ANKRD28: variants seen among roughly 807,000 people sequenced by gnomAD.
ANKRD28 encodes ankyrin repeat domain 28.
ANKRD28 carries 44 observed loss-of-function variants against 126.5 expected under a neutral mutation model. The observed-to-expected ratio is 0.35, with a 90% CI of 0.27 to 0.45. The LOEUF is 0.45. ANKRD28 is among the 20% of genes least tolerant of loss of function. ANKRD28 has a pLI of 1.00. For synonymous variants in ANKRD28, 442 were observed against 468.5 expected, an observed-to-expected ratio of 0.94 and a Z score of 0.73; for missense variants, 1,110 against 1,316.6, an observed-to-expected ratio of 0.84 and a Z score of 2.43.
At chr3:15,688,487 A>AAATG in intron 18 of ANKRD28, among the ~76,000 whole-genome samples, 1 of 152,120 alleles carries the variant, frequency 6.6e-6, no homozygotes, top group Non-Finnish European at 1.5e-5. Flanking sequence ...ATGCATTTTA[A>AAATG]CCTCTTGTTC....
chr3:15,679,848 G>GA (rs140178270), intron 21 of ANKRD28, among the ~76,000 whole-genome samples: 13 of 144,198 alleles, frequency 9.0e-5, no homozygotes, highest in East Asian at 6.0e-4. Flanking sequence ...ATATTTGGGG[G>GA]AAAAAAAAAA....
intron 4 of ANKRD28, among the ~76,000 whole-genome samples, chr3:15,750,377 A>AT (rs1446341603): frequency 1.3e-5 from 2 of 152,242 alleles, no homozygotes; most frequent in African/African-American, 2.4e-5. Flanking sequence ...AATTCAAAGT[A>AT]TTTTGGCTAG....
chr3:15,721,527 A>C (rs1204937422), intron 7 of ANKRD28, among the ~76,000 whole-genome samples: 1 of 152,208 alleles, frequency 6.6e-6, no homozygotes, highest in Non-Finnish European at 1.5e-5. Flanking sequence ...AGTAACATGC[A>C]CATTTTCATC....
At chr3:15,803,670 A>AGGAACAAAGG (rs1209960528) in intron 1 of ANKRD28, among the ~76,000 whole-genome samples, 1 of 146,648 alleles carries the variant, frequency 6.8e-6, no homozygotes, top group Non-Finnish European at 1.5e-5. Flanking sequence ...GGACATGTTA[A>AGGAACAAAGG]TAGACTGGCT....
chr3:15,762,214 CAAAACAAAAAAAAAAAA>C (rs2058515213), intron 3 of ANKRD28, among the ~76,000 whole-genome samples: 1 of 52,564 alleles, frequency 1.9e-5, no homozygotes, highest in African/African-American at 4.6e-5. Context: ...AAAAAAAAAA[CAAAACAAAAAAAAAAAA>C]ACTCTCCTGG....
In ANKRD28 at chr3:15,690,505, G is replaced by C. The variant is rs547930750; in HGVS notation, c.1762-285C>G. On this transcript the variant is annotated intron_variant, in intron 17 of 27. Transcript: ENST00000683139. ...CTTGGCTCACGGCAGACATTCAATG[G>C]ATGTGTGACACGGATTCATTTAAAG... Among the ~76,000 whole-genome samples, 12 of 152,280 alleles carry C rather than the reference G, an allele frequency of 7.9e-5. No individual in the cohort carries two copies. The East Asian group carries it at 1.9e-3, about 24-fold the overall frequency.
rs2060810075 is a variant in ANKRD28, at chr3:15,815,304, C to T, written c.28-19998G>A. 6.6e-6 allele frequency among the ~76,000 whole-genome samples: 1 copy of T among 152,054 alleles called. No homozygotes were observed. Among genetic ancestry groups the T allele is most frequent in the Non-Finnish European group, 1.5e-5 (1 of 68,016 alleles). On this transcript the variant is annotated intron_variant, in intron 1 of 27. Coordinates refer to the ANKRD28 transcript ENST00000399451. This position sits in a 1 kb window ranked among gnomAD's most constrained non-coding sequence, Gnocchi z 4.1. ...CTACATAAAAGTGTGGGGCCAACCA[C>T]ATTTCTTTTGTTTTTCTTTTATGAC... is the stretch of plus-strand genomic sequence containing the variant.
At chr3:15,740,343 TA>T (rs1469184137) in intron 4 of ANKRD28, among the ~76,000 whole-genome samples, 1 of 152,116 alleles carries the variant, frequency 6.6e-6, no homozygotes, top group African/African-American at 2.4e-5. Context: ...GGGTGTACAC[TA>T]AAAAATTCAT....
chr3:15,762,219 CAAA>C (rs1553624317), intron 3 of ANKRD28, among the ~76,000 whole-genome samples: 6 of 37,892 alleles, frequency 1.6e-4, no homozygotes, highest in African/African-American at 3.4e-4. Flanking sequence ...AAAAACAAAA[CAAA>C]AAAAAAAAAA....
intron 6 of ANKRD28, among the ~76,000 whole-genome samples, chr3:15,731,435 G>A (rs1010192252): frequency 3.9e-5 from 6 of 152,180 alleles, no homozygotes; most frequent in African/African-American, 1.4e-4. Context: ...GTCTTGAAGA[G>A]TAAGCCACAC....
chr3:15,768,742 C>T (rs2058863656), intron 2 of ANKRD28, among the ~76,000 whole-genome samples: 1 of 152,148 alleles, frequency 6.6e-6, no homozygotes, highest in Admixed American at 6.5e-5. Context: ...AATTTTAATG[C>T]TGCTTTTGTC....
At chr3:15,690,840 G>A (rs1575167630) in intron 17 of ANKRD28, among the ~76,000 whole-genome samples, 2 of 152,228 alleles carry the variant, frequency 1.3e-5, no homozygotes, top group East Asian at 3.9e-4. Flanking sequence ...AAAGTGCTAG[G>A]AATACAGGCA....
chr3:15,741,911 A>G (rs980147719), intron 4 of ANKRD28, among the ~76,000 whole-genome samples: 2 of 151,164 alleles, frequency 1.3e-5, no homozygotes, highest in Non-Finnish European at 3.0e-5. Context: ...TGGTTTTCGT[A>G]TTTTTTTGGT....
chr3:15,802,966 A>G (rs550371806), upstream of ANKRD28, among the ~76,000 whole-genome samples: 1 of 152,342 alleles, frequency 6.6e-6, no homozygotes, highest in East Asian at 1.9e-4. Context: ...TAAATTCTCG[A>G]ATAAAAAAAA....
intron 3 of ANKRD28, among the ~76,000 whole-genome samples, chr3:15,755,965 T>C (rs2125424212): frequency 6.6e-6 from 1 of 152,298 alleles, no homozygotes; most frequent in East Asian, 1.9e-4. Flanking sequence ...TTAAGAAAGA[T>C]ACCATCAGTG....
chr3:15,718,734 A>G (rs1193362189), intron 8 of ANKRD28, among the ~76,000 whole-genome samples: 1 of 152,232 alleles, frequency 6.6e-6, no homozygotes, highest in Non-Finnish European at 1.5e-5. Flanking sequence ...AATTTCCATA[A>G]TACTAACACA....
In ANKRD28 at chr3:15,708,131, T is replaced by A. The variant is rs1158370956; in HGVS notation, c.1407-67A>T. ...ACATAACTAGTAAACAAAAGCATAG[T>A]TGACTCTTACTCCTCCCAGTTACAA... On this transcript the variant is annotated intron_variant, in intron 13 of 27. Coordinates refer to ENST00000683139, the MANE Select transcript of ANKRD28 (RefSeq NM_001349278.2). 4.0e-6 allele frequency: 6 copies of A among 1,511,790 alleles called. No homozygotes were observed. The East Asian group carries it at 1.5e-4, about 37-fold the overall frequency. The allele number at this position is 1,511,790 out of a possible 1,614,324, so 93.6% of individuals were successfully genotyped here. A position where few individuals can be genotyped will look rare whatever the true frequency, so the allele number is the denominator to read the frequency against.
upstream of ANKRD28, chr3:15,798,228 G>A (rs935246200): frequency 6.6e-5 from 60 of 913,530 alleles, no homozygotes; most frequent in Non-Finnish European, 7.1e-5. Flanking sequence ...AACTGCTTTC[G>A]TGTGTTACAA....
At chr3:15,698,978 T>A (rs573892975) in intron 14 of ANKRD28, among the ~76,000 whole-genome samples, 1 of 152,216 alleles carries the variant, frequency 6.6e-6, no homozygotes, top group Non-Finnish European at 1.5e-5. Flanking sequence ...TCATGCTACC[T>A]GACTTCAAAC....
Sources: gnomAD v4.1 joint callset for allele counts (sites outside exome capture counted in the v4.1 genomes callset) on GRCh38, gnomAD v4.1.1 for gene constraint, Gnocchi (gnomAD v3.1) non-coding constraint, MANE v1.5 for transcripts, NCBI Gene and HGNC (gene_info 2026-07-23, HGNC 2026-07-21) for gene names.